Variants in SMYD3 observed in about 807,000 individuals in gnomAD.
SMYD3 encodes the protein SET and MYND domain containing 3.
SMYD3 carries 36 observed loss-of-function variants against 57.7 expected under a neutral mutation model. That is an observed-to-expected ratio of 0.62 (90% CI 0.48 to 0.82). SMYD3 has a LOEUF of 0.82. Among genes scored for constraint, SMYD3 ranks in the 40% least tolerant of loss-of-function variants. The probability of loss-of-function intolerance (pLI) is 0.00; values close to 1 mark genes in which losing one functional copy is unlikely to be tolerated. For synonymous variants in SMYD3, 211 were observed against 195.0 expected, an observed-to-expected ratio of 1.08 and a Z score of -0.68; for missense variants, 515 against 538.8, an observed-to-expected ratio of 0.96 and a Z score of 0.44.
At chr1:246,151,434 G>GC (rs1367160685) in intron 5 of SMYD3, among the ~76,000 whole-genome samples, 2 of 151,872 alleles carry the variant, frequency 1.3e-5, no homozygotes, top group African/African-American at 4.8e-5. Context: ...TCCTGGCTCT[G>GC]CTACTTAGTG....
chr1:246,355,336 A>G lies in SMYD3; in HGVS notation c.165-242T>C. ...AAGATGGCGGGGAAGAGGCAGGACCAGCTTGCAGCTCCCGATCGGACAGAC... is the reference window on the plus strand; with the variant it reads ...AAGATGGCGGGGAAGAGGCAGGACCGGCTTGCAGCTCCCGATCGGACAGAC... On this transcript the variant is annotated intron_variant, in intron 1 of 11. Transcript: ENST00000490107. This position sits in a 1 kb window ranked among gnomAD's most constrained non-coding sequence, Gnocchi z 5.0. The G allele has an allele frequency of 2.0e-6, 1 of 492,860 alleles. No individual in the cohort carries two copies. 30.5% of individuals were successfully genotyped at this position (492,860 alleles called of 1,614,324 possible).
intron 1 of SMYD3, 63 bp downstream of exon 1, chr1:246,506,991 C>CCCCCCCCCCCCCCCCCCCCCA: frequency 1.2e-6 from 1 of 815,394 alleles, no homozygotes; most frequent in Non-Finnish European, 1.7e-6. Context: ...CGCCCGACGC[C>CCCCCCCCCCCCCCCCCCCCCA]CCCCCCTCCC....
chr1:246,103,646 C>T (rs1217907582), intron 5 of SMYD3, among the ~76,000 whole-genome samples: 1 of 152,166 alleles, frequency 6.6e-6, no homozygotes, highest in Admixed American at 6.5e-5. Context: ...TAGTCTCTCC[C>T]TTTCATAACC....
intron 10 of SMYD3, among the ~76,000 whole-genome samples, chr1:245,800,890 C>A (rs2047828466): frequency 6.6e-6 from 1 of 152,148 alleles, no homozygotes; most frequent in African/African-American, 2.4e-5. Flanking sequence ...GAAACAGAAA[C>A]TAATAGCAGG....
At chr1:246,239,700 C>G (rs538818655) in intron 5 of SMYD3, among the ~76,000 whole-genome samples, 2 of 152,282 alleles carry the variant, frequency 1.3e-5, no homozygotes, top group African/African-American at 4.8e-5. Context: ...AGTTTACAGT[C>G]CCACCAACAG....
intron 1 of SMYD3, among the ~76,000 whole-genome samples, chr1:246,481,593 C>CATAT (rs1200097586): frequency 0.01 from 283 of 27,940 alleles, 26 homozygotes; most frequent in African/African-American, 0.027. Context: ...TCTCAGGCTC[C>CATAT]ATATATATAT....
At chr1:245,986,685 TC>T (rs1487059529) in intron 5 of SMYD3, among the ~76,000 whole-genome samples, 2 of 152,058 alleles carry the variant, frequency 1.3e-5, no homozygotes, top group Non-Finnish European at 2.9e-5. Context: ...AGTCTCCATG[TC>T]TCCACTCTCG....
chr1:246,004,392 A>G (rs1456754354), intron 5 of SMYD3, among the ~76,000 whole-genome samples: 1 of 152,206 alleles, frequency 6.6e-6, no homozygotes, highest in Non-Finnish European at 1.5e-5. Context: ...TCTGCCAGCC[A>G]CAGTACCTGC....
In SMYD3 at chr1:246,330,528, C is replaced by T. The variant is rs760578746; in HGVS notation, c.346G>A (p.Ala116Thr). The change falls in exon 4 of 12, where the codon GCA becomes ACA. Residue 116 changes from alanine to threonine, a missense_variant. Physicochemically the swap from Ala to Thr is moderately conservative, Grantham distance 58. Coordinates refer to ENST00000490107, the MANE Select transcript of SMYD3 (RefSeq NM_001167740.2). ...GRVVFKLMDG[A>T]PSESEKLYSF... ...TAAAGCTTCTCTGATTCTGAAGGTG[C>T]TCCATCCATCTGTGAAGGAAAAGGG... 6 of 1,592,566 alleles carry T rather than the reference C, an allele frequency of 3.8e-6. No individual in the cohort carries two copies. Among genetic ancestry groups the T allele is most frequent in the African/African-American group, 1.3e-5 (1 of 74,410 alleles).
At chr1:245,818,914 A>C (rs2049003831) in intron 10 of SMYD3, among the ~76,000 whole-genome samples, 1 of 99,734 alleles carries the variant, frequency 1.0e-5, no homozygotes, top group Admixed American at 1.1e-4. Flanking sequence ...GTGACCTGCA[A>C]AGAGACTTAG....
rs371265723 is a variant in SMYD3 at position 246,325,042 on chromosome 1, G to GC, written c.531+2158_531+2159insG. 3.7e-3 allele frequency among the ~76,000 whole-genome samples: 101 copies of GC among 27,124 alleles called. 1 individual carries two copies. The highest frequency in any genetic ancestry group is 0.022 in the East Asian group (4 of 186). The allele number at this position is 27,124 out of a possible 152,430, so 17.8% of individuals were successfully genotyped here. ...GAGCGGGAAGGAGGGAGAAGGAGTCGGGGGGCAGGAAGGAGGGAGAAGGAG... is the reference window on the plus strand; with the variant it reads ...GAGCGGGAAGGAGGGAGAAGGAGTCGCGGGGGCAGGAAGGAGGGAGAAGGAG... On this transcript the variant is annotated intron_variant, in intron 5 of 11. Transcript: ENST00000490107.
chr1:246,169,601 G>C (rs1057004678), intron 5 of SMYD3, among the ~76,000 whole-genome samples: 2 of 152,050 alleles, frequency 1.3e-5, no homozygotes, highest in Admixed American at 6.6e-5. Flanking sequence ...TCTCAAGTTT[G>C]AGTTCCAGCT....
intron 1 of SMYD3, among the ~76,000 whole-genome samples, chr1:246,404,930 T>C (rs369901199): frequency 6.6e-6 from 1 of 152,162 alleles, no homozygotes; most frequent in African/African-American, 2.4e-5. Flanking sequence ...TGACTCATAA[T>C]AATTGTAAAC....
intron 1 of SMYD3, among the ~76,000 whole-genome samples, chr1:246,415,701 G>T (rs778196722): frequency 6.6e-5 from 10 of 152,152 alleles, no homozygotes; most frequent in Non-Finnish European, 1.5e-4. Flanking sequence ...CAGGACTACA[G>T]GCACACACCA....
At chr1:245,973,643 T>C (rs746742799) in intron 5 of SMYD3, among the ~76,000 whole-genome samples, 16 of 151,666 alleles carry the variant, frequency 1.1e-4, no homozygotes, top group Non-Finnish European at 1.9e-4. Context: ...GCGAAAAGAG[T>C]TCTAGTGCAC....
At chr1:246,188,854 G>A (rs545839696) in intron 5 of SMYD3, among the ~76,000 whole-genome samples, 4 of 151,840 alleles carry the variant, frequency 2.6e-5, no homozygotes, top group African/African-American at 9.7e-5. Flanking sequence ...CCAGCTACTC[G>A]GGAGGCTAGT....
intron 5 of SMYD3, chr1:246,179,061 GC>G (rs2062485029): frequency 6.5e-6 from 1 of 153,730 alleles, no homozygotes; most frequent in Non-Finnish European, 1.5e-5. Context: ...TCAAGGCCAT[GC>G]AAGAATGTAT....
chr1:246,146,968 C>T (rs376816314), intron 5 of SMYD3, among the ~76,000 whole-genome samples: 2 of 152,090 alleles, frequency 1.3e-5, no homozygotes, highest in South Asian at 2.1e-4. Flanking sequence ...AGAGACAGGC[C>T]GTTTTCTTGT....
chr1:246,383,107 T>C (rs1251348434), intron 1 of SMYD3, among the ~76,000 whole-genome samples: 3 of 152,212 alleles, frequency 2.0e-5, no homozygotes, highest in Admixed American at 6.5e-5. Context: ...TGCCCACCTA[T>C]TGACCCAGGC....
Sources: allele counts gnomAD v4.1 joint callset (sites outside exome capture counted in the v4.1 genomes callset), GRCh38; gene constraint gnomAD v4.1.1; non-coding constraint Gnocchi (gnomAD v3.1); transcripts MANE v1.5; gene names NCBI Gene and HGNC (gene_info 2026-07-23, HGNC 2026-07-21).